The following AUTS2 variants were observed in gnomAD, a reference collection of about 807,000 sequenced individuals.
The protein encoded by AUTS2 is autism susceptibility gene 2 protein.
A neutral mutation model predicts 112.4 loss-of-function variants in AUTS2; 17 were observed. The observed-to-expected ratio is 0.15, with a 90% confidence interval of 0.10 to 0.23. The LOEUF is 0.23. Among genes scored for constraint, AUTS2 ranks in the 10% least tolerant of loss-of-function variants. The probability of loss-of-function intolerance (pLI) is 1.00; values close to 1 mark genes in which losing one functional copy is unlikely to be tolerated. For synonymous variants in AUTS2, 751 were observed against 702.7 expected (o/e 1.07, Z -1.09); for missense variants, 1,510 against 1,701.6 (o/e 0.89, Z 1.98).
chr7:70,178,361 T>C (rs1453390440), intron 4 of AUTS2, among the ~76,000 whole-genome samples: 3 of 152,196 alleles, frequency 2.0e-5, no homozygotes, highest in Non-Finnish European at 1.5e-5. Flanking sequence ...GGGTTGGTTC[T>C]CTTGGTTTCC....
chr7:70,562,128 G>A (rs1801514009), intron 5 of AUTS2, among the ~76,000 whole-genome samples: 1 of 152,150 alleles, frequency 6.6e-6, no homozygotes, highest in South Asian at 2.1e-4. Flanking sequence ...GCAGATGCTG[G>A]CACCATAATT....
intron 4 of AUTS2, among the ~76,000 whole-genome samples, chr7:70,345,766 C>CT (rs1422815411): frequency 2.0e-5 from 3 of 152,162 alleles, no homozygotes; most frequent in Admixed American, 2.0e-4. Context: ...TCAGTTTTGT[C>CT]TAAGAAGCCA....
At chr7:70,478,232 G>A (rs1167011556) in intron 5 of AUTS2, among the ~76,000 whole-genome samples, 1 of 152,100 alleles carries the variant, frequency 6.6e-6, no homozygotes, top group Non-Finnish European at 1.5e-5. Context: ...ATAAAGGTAA[G>A]TACAGAGAAG....
chr7:70,311,521 G>T (rs1789749356), intron 4 of AUTS2, among the ~76,000 whole-genome samples: 1 of 152,102 alleles, frequency 6.6e-6, no homozygotes, highest in Admixed American at 6.5e-5. Context: ...CAAGGCCTAT[G>T]GGGAAATCTC....
At chr7:70,577,991 C>A (rs569211729) in intron 5 of AUTS2, among the ~76,000 whole-genome samples, 1 of 151,444 alleles carries the variant, frequency 6.6e-6, no homozygotes, top group Non-Finnish European at 1.5e-5. Context: ...CCACCACGCC[C>A]GGCTAATTTT....
chr7:70,028,637 T>A (rs1301206909), intron 2 of AUTS2, among the ~76,000 whole-genome samples: 1 of 152,184 alleles, frequency 6.6e-6, no homozygotes, highest in Admixed American at 6.5e-5. Flanking sequence ...GCCCAAAACC[T>A]CTGTGCTTGT....
At chr7:69,981,746 A>C (rs1367906916) in intron 2 of AUTS2, among the ~76,000 whole-genome samples, 1 of 152,254 alleles carries the variant, frequency 6.6e-6, no homozygotes, top group African/African-American at 2.4e-5. Context: ...AGATATTAAC[A>C]AACATTATTT....
chr7:70,510,251 G>A (rs1349139451), intron 5 of AUTS2, among the ~76,000 whole-genome samples: 5 of 152,180 alleles, frequency 3.3e-5, no homozygotes, highest in African/African-American at 7.2e-5. Flanking sequence ...TTTCCTTAGC[G>A]AAGCCCTTCC....
chr7:69,720,418 A>G (rs998251082), intron 1 of AUTS2, among the ~76,000 whole-genome samples: 8 of 152,178 alleles, frequency 5.3e-5, no homozygotes, highest in African/African-American at 1.7e-4. Context: ...GGTGTACTTC[A>G]CCTGACCTAA....
intron 2 of AUTS2, among the ~76,000 whole-genome samples, chr7:70,088,513 C>T (rs1056132007): frequency 6.9e-6 from 1 of 145,560 alleles, no homozygotes; most frequent in African/African-American, 2.6e-5. Context: ...CTGTATTCTA[C>T]TTACTTTTGC....
At chr7:69,885,605 G>A (rs1158412041) in intron 1 of AUTS2, among the ~76,000 whole-genome samples, 1 of 152,180 alleles carries the variant, frequency 6.6e-6, no homozygotes, top group African/African-American at 2.4e-5. Context: ...ATGACGTGGT[G>A]TTAGGCAGTG....
chr7:69,929,649 A>G (rs991361979), intron 2 of AUTS2, among the ~76,000 whole-genome samples: 1 of 152,088 alleles, frequency 6.6e-6, no homozygotes, highest in African/African-American at 2.4e-5. Flanking sequence ...GTCCTATTCA[A>G]TGTGTTTTTC....
chr7:69,866,929 G>A (rs1793262008), intron 1 of AUTS2, among the ~76,000 whole-genome samples: 1 of 152,210 alleles, frequency 6.6e-6, no homozygotes, highest in African/African-American at 2.4e-5. Context: ...TGGCCTTTAG[G>A]CCAGTGCTTG....
chr7:69,614,368 T>TCTTTCTTTTCTTTCTTTC (rs1474509971), intron 1 of AUTS2, among the ~76,000 whole-genome samples: 8 of 19,522 alleles, frequency 4.1e-4, no homozygotes, highest in African/African-American at 7.6e-4. Flanking sequence ...TTCTTTCTTT[T>TCTTTCTTTTCTTTCTTTC]TTTAAGAGAT....
At chr7:70,192,771 G>A (rs894300386) in intron 4 of AUTS2, among the ~76,000 whole-genome samples, 1 of 152,196 alleles carries the variant, frequency 6.6e-6, no homozygotes, top group Non-Finnish European at 1.5e-5. Context: ...AAGGAACTCT[G>A]AAGAAACCAC....
chr7:70,338,837 T>TTTATTTAC (rs1393020980), intron 4 of AUTS2, among the ~76,000 whole-genome samples: 2 of 110,518 alleles, frequency 1.8e-5, no homozygotes, highest in Non-Finnish European at 3.7e-5. Context: ...TCATCTCTTA[T>TTTATTTAC]TTATTTATTT....
chr7:70,408,918 A>G (rs1794657853), intron 4 of AUTS2, among the ~76,000 whole-genome samples: 2 of 152,218 alleles, frequency 1.3e-5, no homozygotes, highest in South Asian at 4.1e-4. Flanking sequence ...TCCAACCTAA[A>G]GAGAATTATC....
At position 70,787,365 on chromosome 7, in the gene AUTS2, C is replaced by T. The variant is rs780307747; in HGVS notation, c.2465C>T (p.Ala822Val). 1 of 1,614,024 alleles carries T rather than the reference C, an allele frequency of 6.2e-7. No individual in the cohort carries two copies. The change falls in exon 18 of 19, where the codon GCA (alanine) becomes GTA (valine). Residue 822 changes from alanine (A) to valine (V), a missense_variant. Around this residue, in one of 3 missense-constraint regions of AUTS2, gnomAD observed 788 missense variants for 797.6 expected, o/e 0.99. Transcript: ENST00000342771. ...PGELERSASA[A>V]AHDRDRDVDK... ...GAGCTGGAGCGCAGCGCGTCCGCTG[C>T]AGCTCATGACAGAGATAGAGATGTA... is the stretch of plus-strand genomic sequence containing the variant.
At chr7:70,599,176 C>T (rs983291272) in intron 5 of AUTS2, among the ~76,000 whole-genome samples, 3 of 152,164 alleles carry the variant, frequency 2.0e-5, no homozygotes, top group Admixed American at 1.3e-4. Flanking sequence ...TCCCTGAAGC[C>T]GTACTGTAAC....
Sources: gnomAD v4.1 joint callset for allele counts (sites outside exome capture counted in the v4.1 genomes callset) on GRCh38, gnomAD v4.1.1 for gene constraint, gnomAD v4.1.1 regional missense constraint, MANE v1.5 for transcripts, NCBI Gene and HGNC (gene_info 2026-07-23, HGNC 2026-07-21) for gene names.